The following SPRED2 variants were observed in gnomAD, a reference collection of about 807,000 sequenced individuals.
The protein encoded by SPRED2 is sprouty related EVH1 domain containing 2, also known as sprouty-related, EVH1 domain-containing protein 2.
SPRED2 carries 47 observed loss-of-function variants against 43.0 expected under a neutral mutation model. The observed-to-expected ratio is 1.09, with a 90% CI of 0.87 to 1.40. SPRED2 has a LOEUF of 1.40. Among genes scored for constraint, SPRED2 ranks in the 40% most tolerant of loss-of-function variants. SPRED2 has a pLI of 0.00. For synonymous variants in SPRED2, 225 were observed against 225.7 expected (o/e 1.00, Z 0.03); for missense variants, 561 against 586.4 (o/e 0.96, Z 0.45).
At chr2:65,375,257 C>T (rs1351725909) in intron 1 of SPRED2, among the ~76,000 whole-genome samples, 1 of 152,242 alleles carries the variant, frequency 6.6e-6, no homozygotes, top group Admixed American at 6.5e-5. Context: ...AACTGGCACT[C>T]CATCACAGGA....
chr2:65,403,577 T>A (rs1675955418), intron 1 of SPRED2, among the ~76,000 whole-genome samples: 2 of 152,230 alleles, frequency 1.3e-5, no homozygotes, highest in African/African-American at 4.8e-5. Context: ...GGGATAGACA[T>A]TTTTACGACA....
chr2:65,340,181 G>A (rs1386503952), intron 2 of SPRED2, among the ~76,000 whole-genome samples: 1 of 152,120 alleles, frequency 6.6e-6, no homozygotes, highest in African/African-American at 2.4e-5. Flanking sequence ...AATATGGCAA[G>A]TTATAAATAG....
chr2:65,342,322 T>G (rs1674215245), intron 2 of SPRED2, among the ~76,000 whole-genome samples: 1 of 146,566 alleles, frequency 6.8e-6, no homozygotes, highest in Non-Finnish European at 1.5e-5. Context: ...TATGTATGTA[T>G]ATTTTGTATA....
chr2:65,371,582 A>G (rs1210729110), intron 1 of SPRED2, among the ~76,000 whole-genome samples: 1 of 152,292 alleles, frequency 6.6e-6, no homozygotes, highest in East Asian at 1.9e-4. Flanking sequence ...CAGTACACAC[A>G]GTGACAAATC....
intron 1 of SPRED2, 112 bp from the exon 2 acceptor site, chr2:65,345,008 G>T: frequency 2.8e-6 from 3 of 1,068,228 alleles, no homozygotes; most frequent in South Asian, 3.8e-5. Flanking sequence ...TTTATCGAAA[G>T]AAATCTATGC....
At chr2:65,326,191 C>T (rs866865238) in intron 4 of SPRED2, among the ~76,000 whole-genome samples, 1 of 152,108 alleles carries the variant, frequency 6.6e-6, no homozygotes, top group Non-Finnish European at 1.5e-5. Flanking sequence ...AAGGGATTCT[C>T]ATTTTATATA....
rs1281795397 is a variant in SPRED2, at chr2:65,377,808, C to T, written c.27-32912G>A. The T allele has an allele frequency of 4.4e-5, 19 of 432,848 alleles. No homozygotes were observed. In the East Asian group the frequency reaches 5.0e-4, roughly 11 times the overall value. The allele number at this position is 432,848 out of a possible 1,614,324, so 26.8% of individuals were successfully genotyped here. ...CCTCAGCAGAGACCAAAGAGGAGCC[C>T]GGGGGCAGTCCCAGCACTTCTCAGA... On this transcript the variant is annotated intron_variant, in intron 1 of 5. Coordinates refer to ENST00000356388, the MANE Select transcript of SPRED2 (RefSeq NM_181784.3).
In SPRED2 at chr2:65,406,370, A is replaced by C. The variant is rs541262002; in HGVS notation, c.26+25592T>G. 3.9e-5 allele frequency among the ~76,000 whole-genome samples: 6 copies of C among 152,336 alleles called. No homozygotes were observed. In the South Asian group the frequency reaches 1.2e-3, roughly 32 times the overall value. On this transcript the variant is annotated intron_variant, in intron 1 of 5. Transcript: ENST00000356388. The stretch of plus-strand genomic sequence containing the variant: ...TTATAGAGGTCAAGAATAAATGGAA[A>C]TGTTAACAGAGAGCAACACCAACCC...
intron 1 of SPRED2, among the ~76,000 whole-genome samples, chr2:65,371,513 T>A (rs1675123732): frequency 6.6e-6 from 1 of 152,170 alleles, no homozygotes; most frequent in Non-Finnish European, 1.5e-5. Flanking sequence ...TGATGAAGGC[T>A]GGTCAAGGAG....
intron 1 of SPRED2, among the ~76,000 whole-genome samples, chr2:65,363,133 G>A (rs984503009): frequency 6.8e-6 from 1 of 147,674 alleles, no homozygotes; most frequent in African/African-American, 2.5e-5. Flanking sequence ...CCAGCTACTC[G>A]GAGGCTGAGG....
Position 65,344,798 on chromosome 2 carries a change from C to T in SPRED2, c.125G>A (p.Gly42Glu). 1 of 1,614,158 alleles carries T rather than the reference C, an allele frequency of 6.2e-7. No homozygotes were observed. Among genetic ancestry groups the T allele is most frequent in the Non-Finnish European group, 8.5e-7 (1 of 1,180,028 alleles). The change falls in exon 2 of 6, where the codon GGG becomes GAG. Residue 42 changes from glycine to glutamate, a missense_variant. Gly to Glu is a moderately conservative substitution (Grantham distance 98). This residue lies in a region of SPRED2 where 305 missense variants were observed against 282.4 expected (regional missense o/e 1.08). Coordinates refer to ENST00000356388, the MANE Select transcript of SPRED2 (RefSeq NM_181784.3). ...TTCGGGGTGCATGACCTTACAGACC[C>T]CGACGCGACTGATCCCGCCTCCTTC... is the stretch of plus-strand genomic sequence containing the variant. ...PQEGGGISRV[G>E]VCKVMHPEGN...
intron 1 of SPRED2, among the ~76,000 whole-genome samples, chr2:65,391,687 G>C (rs1558681596): frequency 6.6e-6 from 1 of 152,102 alleles, no homozygotes. Flanking sequence ...AGTTTCTAGA[G>C]GAGAAATTTT....
intron 3 of SPRED2, among the ~76,000 whole-genome samples, chr2:65,332,620 T>G (rs1323377210): frequency 1.3e-5 from 2 of 152,238 alleles, no homozygotes; most frequent in African/African-American, 4.8e-5. Context: ...GGGACACCTG[T>G]GCAAGGGGGT....
In SPRED2 at chr2:65,423,971, T is replaced by A. The variant is rs564906319; in HGVS notation, c.26+7991A>T. ...TGCTCAACTAATTTTGTATATTTAG[T>A]AGAGATGGGGTTTCTCCATCTTGGT... On this transcript the variant is annotated intron_variant, in intron 1 of 5. Coordinates refer to ENST00000356388, the MANE Select transcript of SPRED2 (RefSeq NM_181784.3). Among the ~76,000 whole-genome samples the A allele has an allele frequency of 3.4e-3, 522 of 152,208 alleles. 4 individuals carry two copies. The highest frequency in any genetic ancestry group is 0.012 in the African/African-American group (495 of 41,528).
intron 4 of SPRED2, among the ~76,000 whole-genome samples, chr2:65,325,699 G>A (rs1214383858): frequency 6.6e-6 from 1 of 152,174 alleles, no homozygotes; most frequent in Non-Finnish European, 1.5e-5. Flanking sequence ...CCAGCACTTT[G>A]GGAGGCCAAG....
At chr2:65,417,880 C>G (rs562766920) in intron 1 of SPRED2, among the ~76,000 whole-genome samples, 1 of 152,220 alleles carries the variant, frequency 6.6e-6, no homozygotes. Context: ...ACTTCACTGA[C>G]GAGTGCTGTG....
chr2:65,367,559 T>C (rs1675010757), intron 1 of SPRED2, among the ~76,000 whole-genome samples: 1 of 152,134 alleles, frequency 6.6e-6, no homozygotes, highest in Admixed American at 6.5e-5. Context: ...ACCACACATG[T>C]GAGTGTGGGA....
At chr2:65,343,531 C>T (rs1312617198) in intron 2 of SPRED2, among the ~76,000 whole-genome samples, 1 of 152,138 alleles carries the variant, frequency 6.6e-6, no homozygotes, top group African/African-American at 2.4e-5. Context: ...TCAGATGTAA[C>T]ACTGACATAT....
At chr2:65,347,099 TC>T (rs1674372180) in intron 1 of SPRED2, among the ~76,000 whole-genome samples, 3 of 152,040 alleles carry the variant, frequency 2.0e-5, no homozygotes, top group African/African-American at 7.2e-5. Context: ...TCCGACCACC[TC>T]GTAAGTTTGC....
Sources: allele counts gnomAD v4.1 joint callset (sites outside exome capture counted in the v4.1 genomes callset), GRCh38; gene constraint gnomAD v4.1.1; regional missense constraint gnomAD v4.1.1; transcripts MANE v1.5; gene names NCBI Gene and HGNC (gene_info 2026-07-23, HGNC 2026-07-21).